Variants in REPS2 observed in about 807,000 individuals in gnomAD.
REPS2 encodes the protein ralBP1-associated Eps domain-containing protein 2.
REPS2 carries 23 observed loss-of-function variants against 53.6 expected under a neutral mutation model. The ratio of observed to expected loss-of-function variants is 0.43; its 90% CI spans 0.31 to 0.61. REPS2 has a LOEUF of 0.61. Among genes scored for constraint, REPS2 ranks in the 20% least tolerant of loss-of-function variants. REPS2 has a pLI of 0.11. For synonymous variants in REPS2, 238 were observed against 218.6 expected, an observed-to-expected ratio of 1.09 and a Z score of -0.78; for missense variants, 446 against 534.9, an observed-to-expected ratio of 0.83 and a Z score of 1.64.
chrX:16,997,316 T>C (rs1173651773), intron 1 of REPS2, among the ~76,000 whole-genome samples: 1 of 112,940 alleles, frequency 8.9e-6, no homozygotes, highest in Non-Finnish European at 1.9e-5. Context: ...GCCTGGCACA[T>C]AGTCTACCCT....
intron 2 of REPS2, among the ~76,000 whole-genome samples, chrX:17,015,457 A>G (rs2061479684): frequency 9.0e-6 from 1 of 110,796 alleles, no homozygotes. Flanking sequence ...CATGTGCACA[A>G]CGTGCAGGTT....
intron 1 of REPS2, among the ~76,000 whole-genome samples, chrX:16,962,628 A>G (rs1569090830): frequency 9.0e-6 from 1 of 111,713 alleles, no homozygotes; most frequent in Non-Finnish European, 1.9e-5. Context: ...TGTATTGTAT[A>G]TGGAAAATGT....
chrX:17,065,459 A>G (rs1218548815), intron 9 of REPS2, among the ~76,000 whole-genome samples: 1 of 112,606 alleles, frequency 8.9e-6, no homozygotes, highest in Non-Finnish European at 1.9e-5. Context: ...TTAAAATTGC[A>G]TTACTTGTCT....
intron 1 of REPS2, among the ~76,000 whole-genome samples, chrX:16,971,968 A>G (rs920065824): frequency 1.1e-4 from 12 of 112,173 alleles, no homozygotes; most frequent in African/African-American, 3.2e-4. Context: ...ATATGCATCA[A>G]AACTTGCAGA....
At chrX:17,165,009 C>A in the REPS2 span, among the ~76,000 whole-genome samples, 2 of 109,759 alleles carry the variant, frequency 1.8e-5, no homozygotes, top group Non-Finnish European at 3.8e-5. Context: ...TATTTCTAAC[C>A]GTCTTCATTT....
At chrX:17,035,799 T>C (rs1418833110) in intron 5 of REPS2, among the ~76,000 whole-genome samples, 1 of 111,522 alleles carries the variant, frequency 9.0e-6, no homozygotes, top group East Asian at 2.8e-4. Flanking sequence ...ATATTGTATA[T>C]GAATATCTTT....
intron 12 of REPS2, among the ~76,000 whole-genome samples, 179 bp downstream of exon 12, chrX:17,074,338 GGT>G (rs2062350836): frequency 8.9e-6 from 1 of 112,101 alleles, no homozygotes; most frequent in South Asian, 3.7e-4. Flanking sequence ...TGGGAGCCTT[GGT>G]TTCTGTGGTC....
At chrX:17,031,615 T>C (rs1421327052) in intron 5 of REPS2, among the ~76,000 whole-genome samples, 1 of 111,731 alleles carries the variant, frequency 9.0e-6, no homozygotes, top group East Asian at 2.8e-4. Flanking sequence ...ATATGGGATA[T>C]CAGTAGGAAT....
At chrX:17,105,148 G>A (rs1316564425) in intron 14 of REPS2, among the ~76,000 whole-genome samples, 2 of 110,501 alleles carry the variant, frequency 1.8e-5, no homozygotes, top group Non-Finnish European at 3.8e-5. Context: ...TCTCCTAAAG[G>A]CTCCTCCTGT....
At chrX:17,078,674 C>T (rs369326917) in intron 13 of REPS2, among the ~76,000 whole-genome samples, 38 of 112,310 alleles carry the variant, frequency 3.4e-4, no homozygotes, top group African/African-American at 1.1e-3. Flanking sequence ...GGGAAGCTAT[C>T]TCAGTACCTT....
the REPS2 span, among the ~76,000 whole-genome samples, chrX:17,170,026 G>A: frequency 8.9e-6 from 1 of 112,826 alleles, no homozygotes; most frequent in Non-Finnish European, 1.9e-5. Context: ...TCCCCTTGGA[G>A]GAGAACCATT....
intron 1 of REPS2, among the ~76,000 whole-genome samples, chrX:16,969,099 C>A (rs2147682436): frequency 9.2e-6 from 1 of 108,856 alleles, no homozygotes; most frequent in East Asian, 3.0e-4. Context: ...GGCGGCAGGG[C>A]AGAGGCACTC....
At chrX:17,035,281 A>G (rs1018820265) in intron 5 of REPS2, among the ~76,000 whole-genome samples, 2 of 108,368 alleles carry the variant, frequency 1.8e-5, no homozygotes, top group African/African-American at 3.4e-5. Context: ...GGCATGAAAG[A>G]TATTTTATGG....
the REPS2 span, among the ~76,000 whole-genome samples, chrX:17,182,132 CTCTATCTGTCTA>C: frequency 2.0e-3 from 184 of 90,460 alleles, no homozygotes; most frequent in African/African-American, 7.6e-3. Flanking sequence ...ACCTAGTGTG[CTCTATCTGTCTA>C]TCTATCTATC....
At chrX:17,040,417 A>G (rs1384119879) in intron 5 of REPS2, among the ~76,000 whole-genome samples, 1 of 112,106 alleles carries the variant, frequency 8.9e-6, no homozygotes, top group Non-Finnish European at 1.9e-5. Context: ...TTGTTTACTC[A>G]TTCAGCAAAT....
chrX:17,149,683 GC>G lies in REPS2; in HGVS notation c.*2203del, dbSNP rs970022833. 3.6e-5 allele frequency: 4 copies of G among 112,477 alleles called. No homozygotes were observed. The highest frequency in any genetic ancestry group is 1.3e-4 in the African/African-American group (4 of 30,985). The allele number at this position is 112,477 out of a possible 1,213,427, so 9.3% of individuals were successfully genotyped here. On this transcript the variant is annotated 3_prime_UTR_variant, in exon 18 of 18. Transcript: ENST00000357277. The stretch of plus-strand genomic sequence containing the variant: ...TTCAATCCAGGAAAGACTAGCATGT[GC>G]ACTTTATCTCATAATCTTCCAGTAC...
the REPS2 span, among the ~76,000 whole-genome samples, chrX:17,163,674 A>C: frequency 8.9e-6 from 1 of 112,483 alleles, no homozygotes; most frequent in African/African-American, 3.2e-5. Flanking sequence ...GTGGGATGAC[A>C]TATTCAAAGT....
At chrX:17,057,732 C>A (rs1569152968) in intron 8 of REPS2, among the ~76,000 whole-genome samples, 1 of 112,252 alleles carries the variant, frequency 8.9e-6, no homozygotes, top group Non-Finnish European at 1.9e-5. Context: ...TTTTTCTTTT[C>A]TTTTCTTTTC....
intron 14 of REPS2, among the ~76,000 whole-genome samples, chrX:17,119,213 A>G (rs1321410107): frequency 3.6e-5 from 4 of 112,296 alleles, no homozygotes; most frequent in Non-Finnish European, 5.6e-5. Flanking sequence ...TACCTTGGCT[A>G]TTTAGCCCCA....
Sources: allele counts gnomAD v4.1 joint callset (sites outside exome capture counted in the v4.1 genomes callset), GRCh38; gene constraint gnomAD v4.1.1; transcripts MANE v1.5; gene names NCBI Gene and HGNC (gene_info 2026-07-23, HGNC 2026-07-21).